Variants in SH3GL2 observed in about 807,000 individuals in gnomAD.
The protein encoded by SH3GL2 is endophilin-A1.
Under a neutral mutation model 46.0 loss-of-function variants are expected in SH3GL2, and 24 were observed. That is an observed-to-expected ratio of 0.52 (90% confidence interval 0.38 to 0.73). The LOEUF is 0.73. Among genes scored for constraint, SH3GL2 ranks in the 30% least tolerant of loss-of-function variants. The pLI, the probability that SH3GL2 is intolerant of heterozygous loss-of-function variation, is 0.00. For missense variants in SH3GL2, 413 were observed against 424.2 expected (o/e 0.97, Z 0.23); for synonymous variants, 196 against 147.1 (o/e 1.33, Z -2.40).
chr9:17,697,597 A>C (rs1821239289), intron 1 of SH3GL2, among the ~76,000 whole-genome samples: 1 of 152,292 alleles, frequency 6.6e-6, no homozygotes, highest in East Asian at 1.9e-4. Context: ...AACCTGAGGA[A>C]TGCAAAGCAA....
intron 1 of SH3GL2, among the ~76,000 whole-genome samples, chr9:17,716,796 T>G (rs1479728925): frequency 6.6e-6 from 1 of 152,152 alleles, no homozygotes; most frequent in Non-Finnish European, 1.5e-5. Flanking sequence ...CTCTTTGCAT[T>G]GTGACCTGGA....
chr9:17,610,021 C>G (rs1818830249), intron 1 of SH3GL2, among the ~76,000 whole-genome samples: 1 of 152,196 alleles, frequency 6.6e-6, no homozygotes, highest in Admixed American at 6.5e-5. Context: ...TTGGTACCAC[C>G]AAATCCTATT....
At chr9:17,766,525 T>G (rs1406696307) in intron 3 of SH3GL2, among the ~76,000 whole-genome samples, 1 of 152,138 alleles carries the variant, frequency 6.6e-6, no homozygotes, top group Non-Finnish European at 1.5e-5. Flanking sequence ...CCAATAGAAA[T>G]AGGATGCAAG....
intron 1 of SH3GL2, among the ~76,000 whole-genome samples, chr9:17,731,321 T>A (rs559975836): frequency 2.6e-5 from 4 of 151,956 alleles, no homozygotes; most frequent in South Asian, 4.2e-4. Flanking sequence ...GGGAGGTGTT[T>A]AAAGTTATAT....
At chr9:17,721,466 A>G (rs1435339443) in intron 1 of SH3GL2, among the ~76,000 whole-genome samples, 1 of 152,130 alleles carries the variant, frequency 6.6e-6, no homozygotes, top group East Asian at 1.9e-4. Flanking sequence ...TAACTTTACT[A>G]CATATAATAA....
intron 1 of SH3GL2, among the ~76,000 whole-genome samples, chr9:17,646,486 G>A (rs34728148): frequency 2.0e-5 from 3 of 152,024 alleles, no homozygotes; most frequent in African/African-American, 4.8e-5. Flanking sequence ...GCCTTGTTGC[G>A]CTGGTTTTCC....
At chr9:17,600,743 G>A (rs1818655003) in intron 1 of SH3GL2, among the ~76,000 whole-genome samples, 1 of 152,162 alleles carries the variant, frequency 6.6e-6, no homozygotes, top group African/African-American at 2.4e-5. Context: ...TTAAAGATTA[G>A]TTTCATGCTG....
intron 1 of SH3GL2, among the ~76,000 whole-genome samples, chr9:17,657,870 G>T (rs1299184879): frequency 6.6e-6 from 1 of 152,252 alleles, no homozygotes; most frequent in East Asian, 1.9e-4. Context: ...AGAAGAAGTT[G>T]ACCCTACCTC....
intron 1 of SH3GL2, among the ~76,000 whole-genome samples, chr9:17,696,636 A>C (rs1049389119): frequency 6.6e-6 from 1 of 152,018 alleles, no homozygotes. Context: ...ATCAGATCTC[A>C]TGAAAACTCA....
chr9:17,773,512 T>G (rs1189296884), intron 3 of SH3GL2, among the ~76,000 whole-genome samples: 1 of 152,132 alleles, frequency 6.6e-6, no homozygotes, highest in Non-Finnish European at 1.5e-5. Flanking sequence ...AGGTCCAAAT[T>G]CATTTTTTTG....
chr9:17,653,858 A>G lies in SH3GL2; in HGVS notation c.45+74571A>G, dbSNP rs144273817. The stretch of plus-strand genomic sequence containing the variant: ...TGCCTTGGTGAACATTCATGGAGAC[A>G]TTAACAAGGGGCTGATGCAGAAGGT... On this transcript the variant is annotated intron_variant, in intron 1 of 8. Coordinates refer to ENST00000380607, the MANE Select transcript of SH3GL2 (RefSeq NM_003026.5). 75 of 981,834 alleles carry G rather than the reference A, an allele frequency of 7.6e-5. 1 individual carries two copies. The African/African-American group carries it at 1.1e-3, about 15-fold the overall frequency. 60.8% of individuals were successfully genotyped at this position (981,834 alleles called of 1,614,324 possible).
intron 3 of SH3GL2, among the ~76,000 whole-genome samples, chr9:17,763,592 A>G (rs1405831226): frequency 6.6e-6 from 1 of 152,188 alleles, no homozygotes; most frequent in African/African-American, 2.4e-5. Flanking sequence ...TCCAGAGGGA[A>G]CCAACTTTGC....
At chr9:17,585,717 GGT>G (rs1407151397) in intron 1 of SH3GL2, among the ~76,000 whole-genome samples, 2 of 152,200 alleles carry the variant, frequency 1.3e-5, no homozygotes, top group African/African-American at 4.8e-5. Flanking sequence ...GCGTTGCATT[GGT>G]GCATTGGTAG....
intron 1 of SH3GL2, among the ~76,000 whole-genome samples, chr9:17,618,239 C>G (rs1232162439): frequency 2.6e-5 from 4 of 152,044 alleles, no homozygotes; most frequent in Non-Finnish European, 4.4e-5. Flanking sequence ...AAGGATGCTG[C>G]TAAACATCCT....
At chr9:17,604,518 T>C (rs1422112726) in intron 1 of SH3GL2, among the ~76,000 whole-genome samples, 1 of 152,038 alleles carries the variant, frequency 6.6e-6, no homozygotes, top group South Asian at 2.1e-4. Flanking sequence ...GGACAGAGGT[T>C]TGGGATTGAG....
chr9:17,715,557 C>T (rs892423714), intron 1 of SH3GL2, among the ~76,000 whole-genome samples: 1 of 151,662 alleles, frequency 6.6e-6, no homozygotes, highest in African/African-American at 2.4e-5. Flanking sequence ...TATTGCTAGG[C>T]TTTAAATTTC....
intron 1 of SH3GL2, among the ~76,000 whole-genome samples, chr9:17,731,400 G>C (rs958781846): frequency 2.6e-5 from 4 of 151,566 alleles, no homozygotes; most frequent in African/African-American, 9.7e-5. Context: ...GGAAAAGGGA[G>C]GGAGGTGGGG....
At chr9:17,770,971 A>G (rs769225380) in intron 3 of SH3GL2, among the ~76,000 whole-genome samples, 2 of 152,218 alleles carry the variant, frequency 1.3e-5, no homozygotes, top group Non-Finnish European at 2.9e-5. Flanking sequence ...GACCCTGAGC[A>G]TAGGACTCAA....
At chr9:17,759,167 G>C (rs997806665) in intron 2 of SH3GL2, among the ~76,000 whole-genome samples, 1 of 152,166 alleles carries the variant, frequency 6.6e-6, no homozygotes, top group Non-Finnish European at 1.5e-5. Context: ...GACACTGCAG[G>C]TACCAGTCTC....
Sources: gnomAD v4.1 joint callset for allele counts (sites outside exome capture counted in the v4.1 genomes callset) on GRCh38, gnomAD v4.1.1 for gene constraint, MANE v1.5 for transcripts, NCBI Gene and HGNC (gene_info 2026-07-23, HGNC 2026-07-21) for gene names.